Variants in ZSCAN30 observed in about 807,000 individuals in gnomAD.
ZSCAN30 encodes the protein zinc finger and SCAN domain-containing protein 30.
A neutral mutation model predicts 44.3 loss-of-function variants in ZSCAN30; 37 were observed. The observed-to-expected ratio is 0.84, with a 90% CI of 0.64 to 1.10. The LOEUF is 1.10. Among genes scored for constraint, ZSCAN30 ranks in the 50% least tolerant of loss-of-function variants. The pLI, the probability that ZSCAN30 is intolerant of heterozygous loss-of-function variation, is 0.00. For synonymous variants in ZSCAN30, 181 were observed against 204.6 expected (o/e 0.88, Z 0.98); for missense variants, 549 against 582.6 (o/e 0.94, Z 0.59).
Position 35,253,519 on chromosome 18 carries a change from AC to A in ZSCAN30, c.1415del (p.Ser472MetfsTer78). On this transcript the variant is annotated frameshift_variant, in exon 4 of 4. Transcript: ENST00000333206. LOFTEE classifies it high-confidence loss of function. ...IHTGEKPYEC[S>X]ECRKTFRHRS... Reference sequence around the variant, plus strand: ...TATGCCTAAATGTTTTTCTACATTCACTACATTCATAAGGCTTCTCTCCAGT... The same window carrying A: ...TATGCCTAAATGTTTTTCTACATTCATACATTCATAAGGCTTCTCTCCAGT... The A allele has an allele frequency of 6.2e-7, 1 of 1,612,706 alleles. No individual in the cohort carries two copies. Among genetic ancestry groups the A allele is most frequent in the Non-Finnish European group, 8.5e-7 (1 of 1,178,924 alleles).
intron 3 of ZSCAN30, chr18:35,263,060 A>G (rs954892069): frequency 2.2e-5 from 5 of 224,900 alleles, no homozygotes; most frequent in Non-Finnish European, 3.7e-5. Context: ...AAATTAAATA[A>G]CAGAATACTG....
chr18:35,274,217 T>G (rs1598644036), intron 1 of ZSCAN30, among the ~76,000 whole-genome samples: 1 of 152,132 alleles, frequency 6.6e-6, no homozygotes, highest in African/African-American at 2.4e-5. Flanking sequence ...TTTTTTGTTT[T>G]GGGTAGAGAC....
intron 1 of ZSCAN30, among the ~76,000 whole-genome samples, chr18:35,273,992 T>C (rs894623038): frequency 5.4e-4 from 82 of 152,174 alleles, no homozygotes; most frequent in Non-Finnish European, 1.5e-5. Flanking sequence ...TCATGAAAAG[T>C]TGATGGGGAA....
At chr18:35,280,502 A>C (rs894773881) in intron 1 of ZSCAN30, among the ~76,000 whole-genome samples, 1 of 152,224 alleles carries the variant, frequency 6.6e-6, no homozygotes, top group Non-Finnish European at 1.5e-5. Context: ...ACTGATAAAA[A>C]ACAAAGGGAA....
intron 1 of ZSCAN30, among the ~76,000 whole-genome samples, chr18:35,286,885 A>C (rs1223919922): frequency 6.6e-6 from 1 of 152,188 alleles, no homozygotes; most frequent in African/African-American, 2.4e-5. Context: ...TTGGAAAGGA[A>C]GGAGTAAAAC....
Position 35,253,041 on chromosome 18 carries a change from AC to A in ZSCAN30, c.*408del. ...TGAATAACTCTCAGCACATGCCTCC[AC>A]CTGACAAAATACAAATGCTCTTGCC... On this transcript the variant is annotated 3_prime_UTR_variant, in exon 4 of 4. Coordinates refer to ENST00000333206, the MANE Select transcript of ZSCAN30 (RefSeq NM_001112734.4). 1 of 163,496 alleles carries A rather than the reference AC, an allele frequency of 6.1e-6. No individual in the cohort carries two copies. Among genetic ancestry groups the A allele is most frequent in the Non-Finnish European group, 1.3e-5 (1 of 75,290 alleles). The allele number at this position is 163,496 out of a possible 1,614,324, so 10.1% of individuals were successfully genotyped here.
chr18:35,265,211 C>T (rs1381238383), intron 1 of ZSCAN30, among the ~76,000 whole-genome samples: 5 of 152,012 alleles, frequency 3.3e-5, no homozygotes, highest in African/African-American at 1.2e-4. Flanking sequence ...CCAAAGACAG[C>T]CAGGGAGCAG....
chr18:35,287,942 C>T (rs2044582879), intron 1 of ZSCAN30, among the ~76,000 whole-genome samples: 1 of 151,274 alleles, frequency 6.6e-6, no homozygotes, highest in African/African-American at 2.4e-5. Context: ...GCATGATCAC[C>T]ACCCACTGCA....
At chr18:35,269,437 G>A (rs916216493) in intron 1 of ZSCAN30, 1 of 145,078 alleles carries the variant, frequency 6.9e-6, no homozygotes, top group Non-Finnish European at 1.5e-5. Flanking sequence ...TTTGCAAGAG[G>A]GTCTCAGACA....
At chr18:35,268,273 G>A (rs2044204463) in intron 1 of ZSCAN30, 1 of 152,354 alleles carries the variant, frequency 6.6e-6, no homozygotes, top group Non-Finnish European at 1.5e-5. Context: ...TGAATCATCA[G>A]TGCAGGGTAT....
intron 3 of ZSCAN30, chr18:35,259,723 C>T (rs1261369490): frequency 6.5e-6 from 1 of 154,208 alleles, no homozygotes; most frequent in Non-Finnish European, 1.5e-5. Flanking sequence ...TAACAAATAA[C>T]AATATGAAAA....
rs1438411386 is a variant in ZSCAN30 at position 35,253,244 on chromosome 18, T to G, written c.*206A>C. 8.9e-6 allele frequency: 4 copies of G among 450,386 alleles called. No individual in the cohort carries two copies. Among genetic ancestry groups the G allele is most frequent in the Non-Finnish European group, 1.6e-5 (4 of 255,136 alleles). The allele number at this position is 450,386 out of a possible 1,614,324, so 27.9% of individuals were successfully genotyped here. ...ATTTCAAGGAAATATCTACCATTCT[T>G]TTTGGAGAAGACTTGGGTAACATTT... On this transcript the variant is annotated 3_prime_UTR_variant, in exon 4 of 4. Transcript: ENST00000333206.
rs1056205031 is a variant in ZSCAN30, at chr18:35,251,550, T to C, written c.*1900A>G. The C allele has an allele frequency of 9.2e-5, 14 of 152,054 alleles. No homozygotes were observed. Among genetic ancestry groups the C allele is most frequent in the African/African-American group, 3.4e-4 (14 of 41,384 alleles). The allele number at this position is 152,054 out of a possible 1,614,324, so 9.4% of individuals were successfully genotyped here. ...CTTGTGTCCCCACCCAAATCTCCAA[T>C]AGTAATCCCCAGGTGTTGAGGGAGG... On this transcript the variant is annotated 3_prime_UTR_variant, in exon 4 of 4. Coordinates refer to ENST00000333206, the MANE Select transcript of ZSCAN30 (RefSeq NM_001112734.4).
At chr18:35,255,613 G>A (rs1414418241) in intron 3 of ZSCAN30, among the ~76,000 whole-genome samples, 1 of 152,086 alleles carries the variant, frequency 6.6e-6, no homozygotes, top group Admixed American at 6.5e-5. Flanking sequence ...TTTGGCTTTG[G>A]AAAAGCATTA....
At chr18:35,255,757 C>T (rs2043787933) in intron 3 of ZSCAN30, 1 of 154,218 alleles carries the variant, frequency 6.5e-6, no homozygotes, top group Admixed American at 6.5e-5. Flanking sequence ...CATTCCTTAC[C>T]AGAAATTAAA....
chr18:35,253,416 G>C lies in ZSCAN30; in HGVS notation c.*34C>G. On this transcript the variant is annotated 3_prime_UTR_variant, in exon 4 of 4. Coordinates refer to ENST00000333206, the MANE Select transcript of ZSCAN30 (RefSeq NM_001112734.4). ...GTCTCACCCCTACAGTGAACTCCTT[G>C]CATTTCACAATTGTACAACTCTTAC... The C allele has an allele frequency of 6.6e-7, 1 of 1,515,394 alleles. No homozygotes were observed. Among genetic ancestry groups the C allele is most frequent in the Non-Finnish European group, 8.9e-7 (1 of 1,129,462 alleles). The allele number at this position is 1,515,394 out of a possible 1,614,324, so 93.9% of individuals were successfully genotyped here.
intron 1 of ZSCAN30, among the ~76,000 whole-genome samples, chr18:35,280,552 T>G (rs1171585438): frequency 1.3e-5 from 2 of 152,182 alleles, no homozygotes; most frequent in African/African-American, 4.8e-5. Flanking sequence ...CTTGGGGAAT[T>G]ATAGTATTTC....
intron 3 of ZSCAN30, chr18:35,262,828 G>A (rs923424361): frequency 1.3e-5 from 2 of 152,780 alleles, no homozygotes; most frequent in African/African-American, 4.8e-5. Flanking sequence ...GGAAGTTGTG[G>A]CACCCTCCTG....
At position 35,272,065 on chromosome 18, in the gene ZSCAN30, G is replaced by A. The variant is rs575042046; in HGVS notation, c.-103-7610C>T. 2.6e-3 allele frequency among the ~76,000 whole-genome samples: 395 copies of A among 152,358 alleles called. 3 individuals are homozygous for A. Among genetic ancestry groups the A allele is most frequent in the African/African-American group, 8.8e-3 (364 of 41,590 alleles). On this transcript the variant is annotated intron_variant, in intron 1 of 3. Transcript: ENST00000333206. ...GCTCCCCCTCGGCCAGCCCAGAGAGGGGCTTCCACAGTGCAGCGGCTGGCT... is the reference window on the plus strand; with the variant it reads ...GCTCCCCCTCGGCCAGCCCAGAGAGAGGCTTCCACAGTGCAGCGGCTGGCT...
Sources: allele counts gnomAD v4.1 joint callset (sites outside exome capture counted in the v4.1 genomes callset), GRCh38; gene constraint gnomAD v4.1.1; transcripts MANE v1.5; gene names NCBI Gene and HGNC (gene_info 2026-07-23, HGNC 2026-07-21).